ERC2: variants seen among roughly 807,000 people sequenced by gnomAD.
The protein encoded by ERC2 is ELKS/RAB6-interacting/CAST family member 2, also known as ERC protein 2.
ERC2 carries 42 observed loss-of-function variants against 114.8 expected under a neutral mutation model. The observed-to-expected ratio is 0.37, with a 90% CI of 0.29 to 0.47. The LOEUF is 0.47. ERC2 is among the 20% of genes least tolerant of loss of function. The pLI is 0.99. For missense variants in ERC2, 939 were observed against 1,150.7 expected, an observed-to-expected ratio of 0.82 and a Z score of 2.66; for synonymous variants, 454 against 425.5, an observed-to-expected ratio of 1.07 and a Z score of -0.82.
chr3:56,225,407 C>T (rs2050186523), intron 3 of ERC2, among the ~76,000 whole-genome samples: 2 of 152,166 alleles, frequency 1.3e-5, no homozygotes, highest in Admixed American at 1.3e-4. Context: ...TTTGTCTAAG[C>T]GCAGACAATA....
At chr3:55,872,043 A>G (rs2062608953) in intron 14 of ERC2, among the ~76,000 whole-genome samples, 1 of 152,198 alleles carries the variant, frequency 6.6e-6, no homozygotes, top group South Asian at 2.1e-4. Context: ...GAAGTGGGGA[A>G]TAGAAAGGAA....
chr3:55,655,000 C>T (rs1008836273), intron 17 of ERC2, among the ~76,000 whole-genome samples: 12 of 152,222 alleles, frequency 7.9e-5, no homozygotes, highest in Non-Finnish European at 1.5e-4. Context: ...GCCTCTAAGG[C>T]TCACCCTATA....
At chr3:55,846,044 T>C (rs533877584) in intron 14 of ERC2, among the ~76,000 whole-genome samples, 2 of 152,380 alleles carry the variant, frequency 1.3e-5, no homozygotes, top group East Asian at 3.9e-4. Flanking sequence ...TTTCGTTATA[T>C]AGGTAACCTC....
intron 17 of ERC2, among the ~76,000 whole-genome samples, chr3:55,539,568 G>A (rs1481455180): frequency 2.6e-5 from 4 of 151,226 alleles, no homozygotes; most frequent in African/African-American, 4.8e-5. Flanking sequence ...GACTACAGAC[G>A]CCTGCCACCA....
chr3:55,858,791 A>C (rs948539731), intron 14 of ERC2, among the ~76,000 whole-genome samples: 3 of 152,156 alleles, frequency 2.0e-5, no homozygotes, highest in African/African-American at 7.2e-5. Context: ...GGCCAGCCTC[A>C]ACACCACTCT....
chr3:56,196,830 A>T (rs1481204576), intron 3 of ERC2, among the ~76,000 whole-genome samples: 1 of 152,086 alleles, frequency 6.6e-6, no homozygotes, highest in African/African-American at 2.4e-5. Context: ...TATAAATGGG[A>T]CTATACCCCG....
intron 14 of ERC2, among the ~76,000 whole-genome samples, chr3:55,796,081 G>C (rs572684531): frequency 3.3e-4 from 50 of 152,358 alleles, no homozygotes; most frequent in South Asian, 2.5e-3. Context: ...GGTGGTTGAG[G>C]GGGGAGGGTA....
At chr3:56,223,272 G>A (rs1197054877) in intron 3 of ERC2, among the ~76,000 whole-genome samples, 3 of 152,174 alleles carry the variant, frequency 2.0e-5, no homozygotes, top group Non-Finnish European at 4.4e-5. Context: ...CCCACTGGAG[G>A]AGATTCCTTT....
intron 7 of ERC2, among the ~76,000 whole-genome samples, chr3:56,057,862 T>TA (rs923516255): frequency 1.3e-5 from 2 of 151,062 alleles, no homozygotes; most frequent in East Asian, 1.9e-4. Context: ...ATACTATGGT[T>TA]AAAAAAAAAG....
At chr3:55,579,406 G>A (rs1320819086) in intron 17 of ERC2, among the ~76,000 whole-genome samples, 28 of 152,164 alleles carry the variant, frequency 1.8e-4, no homozygotes, top group Admixed American at 1.8e-3. Flanking sequence ...GTTACAACAG[G>A]CATCTGCTAT....
At chr3:55,655,827 C>T (rs1405199741) in intron 17 of ERC2, among the ~76,000 whole-genome samples, 3 of 152,230 alleles carry the variant, frequency 2.0e-5, no homozygotes, top group Non-Finnish European at 4.4e-5. Context: ...AAGAGAGCCA[C>T]TAACAGCTAA....
chr3:56,207,727 C>G (rs577434200), intron 3 of ERC2, among the ~76,000 whole-genome samples: 12 of 152,194 alleles, frequency 7.9e-5, no homozygotes, highest in African/African-American at 2.9e-4. Flanking sequence ...TACATGCAAC[C>G]TCTTCACCAT....
intron 3 of ERC2, among the ~76,000 whole-genome samples, chr3:56,285,907 G>T (rs982275682): frequency 1.3e-5 from 2 of 152,164 alleles, no homozygotes; most frequent in Non-Finnish European, 2.9e-5. Flanking sequence ...TTTTTATCAG[G>T]TAAGGAAGTC....
chr3:55,692,481 A>C (rs1041242854), intron 16 of ERC2, among the ~76,000 whole-genome samples: 3 of 152,174 alleles, frequency 2.0e-5, no homozygotes, highest in African/African-American at 7.2e-5. Flanking sequence ...GGATGGCTGG[A>C]AATTCCCCTC....
chr3:55,964,751 A>G (rs1039860922), intron 12 of ERC2, among the ~76,000 whole-genome samples: 2 of 152,184 alleles, frequency 1.3e-5, no homozygotes, highest in Non-Finnish European at 2.9e-5. Context: ...CCAGACTGCA[A>G]TTCTCATCTG....
intron 3 of ERC2, among the ~76,000 whole-genome samples, chr3:56,198,164 C>T (rs951856592): frequency 1.3e-5 from 2 of 152,118 alleles, no homozygotes; most frequent in African/African-American, 2.4e-5. Context: ...GGCACAGAGC[C>T]CAGAACAGAG....
At chr3:56,333,172 C>A (rs997896062) in intron 2 of ERC2, among the ~76,000 whole-genome samples, 2 of 152,190 alleles carry the variant, frequency 1.3e-5, no homozygotes, top group Admixed American at 6.5e-5. Flanking sequence ...TATGCTCTCT[C>A]TCCTATACAG....
intron 3 of ERC2, among the ~76,000 whole-genome samples, chr3:56,241,221 G>A (rs146933739): frequency 2.6e-5 from 4 of 152,052 alleles, no homozygotes; most frequent in Non-Finnish European, 4.4e-5. Flanking sequence ...CCCCATTAAA[G>A]AGTGGGAAAA....
At chr3:55,757,351 C>T (rs2067128834) in intron 14 of ERC2, among the ~76,000 whole-genome samples, 1 of 152,106 alleles carries the variant, frequency 6.6e-6, no homozygotes, top group African/African-American at 2.4e-5. Context: ...AAGGATGTCC[C>T]TTCCACACTG....
Sources: gnomAD v4.1 joint callset for allele counts (sites outside exome capture counted in the v4.1 genomes callset) on GRCh38, gnomAD v4.1.1 for gene constraint, MANE v1.5 for transcripts, NCBI Gene and HGNC (gene_info 2026-07-23, HGNC 2026-07-21) for gene names.